Variants in TMEM108 observed in about 807,000 individuals in gnomAD.
TMEM108 encodes cancer/testis antigen 124.
TMEM108 carries 12 observed loss-of-function variants against 35.1 expected under a neutral mutation model. That is an observed-to-expected ratio of 0.34 (90% CI 0.22 to 0.55). The LOEUF (loss-of-function observed/expected upper bound fraction) is 0.55. Among genes scored for constraint, TMEM108 ranks in the 20% least tolerant of loss-of-function variants. The probability of loss-of-function intolerance (pLI) is 0.89; values close to 1 mark genes in which losing one functional copy is unlikely to be tolerated. For synonymous variants in TMEM108, 287 were observed against 308.6 expected (o/e 0.93, Z 0.73); for missense variants, 680 against 753.3 (o/e 0.90, Z 1.14).
In TMEM108 at chr3:133,390,246, G is replaced by T; in HGVS notation, c.1517G>T (p.Ser506Ile). Residue 506 changes from serine (S) to isoleucine (I), a missense_variant, in exon 5 of 6, where the codon AGC (serine) becomes ATC (isoleucine). This residue lies in a region of TMEM108 where 105 missense variants were observed against 150.7 expected (regional missense o/e 0.70). Coordinates refer to ENST00000321871, the MANE Select transcript of TMEM108 (RefSeq NM_023943.4). ...ACCGCCAACCCGGAGAACAACCTGA[G>T]CTACTGGAACAACACCATCACCATG... ...KKTANPENNL[S>I]YWNNTITMDY... The T allele has an allele frequency of 6.2e-7, 1 of 1,614,186 alleles. No individual in the cohort carries two copies. The highest frequency in any genetic ancestry group is 8.5e-7 in the Non-Finnish European group (1 of 1,180,044).
At chr3:133,364,450 T>C (rs2072446258) in intron 3 of TMEM108, among the ~76,000 whole-genome samples, 1 of 152,220 alleles carries the variant, frequency 6.6e-6, no homozygotes, top group South Asian at 2.1e-4. Context: ...CAACCATCAC[T>C]GTATATGACT....
intron 1 of TMEM108, among the ~76,000 whole-genome samples, chr3:133,044,952 G>A (rs1188514738): frequency 6.7e-6 from 1 of 149,774 alleles, no homozygotes; most frequent in Non-Finnish European, 1.5e-5. Context: ...AAAAAATTCT[G>A]AAGTGCTGCT....
chr3:133,128,162 A>G (rs536808786), intron 2 of TMEM108, among the ~76,000 whole-genome samples: 3 of 152,334 alleles, frequency 2.0e-5, no homozygotes, highest in East Asian at 1.9e-4. Context: ...TCTATCACTC[A>G]TAGGTTAAAG....
intron 2 of TMEM108, among the ~76,000 whole-genome samples, chr3:133,097,361 T>C (rs1193002566): frequency 3.3e-5 from 5 of 152,134 alleles, no homozygotes; most frequent in African/African-American, 1.2e-4. Context: ...CTTTCTAATG[T>C]TTTAATGTTC....
chr3:133,078,574 A>AT (rs1160369481), intron 2 of TMEM108, among the ~76,000 whole-genome samples: 1 of 152,180 alleles, frequency 6.6e-6, no homozygotes, highest in Non-Finnish European at 1.5e-5. Flanking sequence ...TATTAGTGAT[A>AT]TTTTGAGTTT....
intron 4 of TMEM108, among the ~76,000 whole-genome samples, chr3:133,383,607 G>GAAAT (rs1297773257): frequency 6.6e-6 from 1 of 152,140 alleles, no homozygotes; most frequent in Non-Finnish European, 1.5e-5. Flanking sequence ...GTATAAGCTT[G>GAAAT]AAATTAGATC....
intron 3 of TMEM108, among the ~76,000 whole-genome samples, chr3:133,312,341 T>G (rs866863979): frequency 6.6e-6 from 1 of 152,226 alleles, no homozygotes; most frequent in Non-Finnish European, 1.5e-5. Context: ...CCCACAGAGA[T>G]GGAGTCCTAG....
Position 133,251,657 on chromosome 3 carries a change from C to T in TMEM108, c.40+22306C>T, listed in dbSNP as rs141914242. ...AAGGGAAGAGATATTGGATAGGTAT[C>T]CTCCTCTGACTAGAAGTGATACATA... On this transcript the variant is annotated intron_variant, in intron 3 of 5. Coordinates refer to ENST00000321871, the MANE Select transcript of TMEM108 (RefSeq NM_023943.4). Among the ~76,000 whole-genome samples, 444 of 152,216 alleles carry T rather than the reference C, an allele frequency of 2.9e-3. 3 individuals carry two copies. Among genetic ancestry groups the T allele is most frequent in the African/African-American group, 0.01 (432 of 41,542 alleles).
intron 2 of TMEM108, among the ~76,000 whole-genome samples, chr3:133,200,567 C>T (rs978912471): frequency 2.6e-5 from 4 of 152,162 alleles, no homozygotes; most frequent in African/African-American, 9.7e-5. Context: ...ATCCTCCCTG[C>T]CTCAACAACT....
intron 3 of TMEM108, among the ~76,000 whole-genome samples, chr3:133,308,549 T>A (rs1367054322): frequency 6.6e-6 from 1 of 152,154 alleles, no homozygotes; most frequent in Non-Finnish European, 1.5e-5. Flanking sequence ...ATACCTAGTT[T>A]ATTGAGAGTT....
chr3:133,262,500 T>A (rs952617121), intron 3 of TMEM108, among the ~76,000 whole-genome samples: 1 of 152,220 alleles, frequency 6.6e-6, no homozygotes, highest in Non-Finnish European at 1.5e-5. Context: ...ACCATAGTGA[T>A]GTAGAAAGAT....
At chr3:133,377,869 A>G (rs1275331350) in intron 3 of TMEM108, among the ~76,000 whole-genome samples, 1 of 152,226 alleles carries the variant, frequency 6.6e-6, no homozygotes, top group Non-Finnish European at 1.5e-5. Flanking sequence ...CGGCACCATT[A>G]GATTCTCATA....
chr3:133,109,254 T>C (rs925434157), intron 2 of TMEM108, among the ~76,000 whole-genome samples: 1 of 152,078 alleles, frequency 6.6e-6, no homozygotes, highest in Non-Finnish European at 1.5e-5. Flanking sequence ...TGAGGAAGGG[T>C]TGCAATAGAT....
At chr3:133,041,583 C>T (rs1568478) in intron 1 of TMEM108, among the ~76,000 whole-genome samples, 73,692 of 151,992 alleles carry the variant, frequency 0.48, 18,127 homozygotes, top group African/African-American at 0.56. Flanking sequence ...GTAGGAATAA[C>T]GTGTGTCATG....
intron 2 of TMEM108, among the ~76,000 whole-genome samples, chr3:133,177,158 A>G (rs183385189): frequency 1.1e-4 from 17 of 152,378 alleles, no homozygotes; most frequent in African/African-American, 3.8e-4. Flanking sequence ...AGGCTCTGAA[A>G]TTGAGGCAAT....
At chr3:133,221,375 C>T (rs79185914) in intron 2 of TMEM108, among the ~76,000 whole-genome samples, 1 of 152,046 alleles carries the variant, frequency 6.6e-6, no homozygotes, top group Admixed American at 6.6e-5. Context: ...CAGGAAATAA[C>T]AAAGGTCATA....
intron 3 of TMEM108, among the ~76,000 whole-genome samples, chr3:133,298,654 A>G (rs1947177914): frequency 6.6e-6 from 1 of 152,142 alleles, no homozygotes; most frequent in Non-Finnish European, 1.5e-5. Context: ...CATAATATTT[A>G]TAAATTCGTT....
chr3:133,162,849 G>C lies in TMEM108; in HGVS notation c.-46-66417G>C, dbSNP rs138712275. On this transcript the variant is annotated intron_variant, in intron 2 of 5. Coordinates refer to ENST00000321871, the MANE Select transcript of TMEM108 (RefSeq NM_023943.4). ...TTTGTATGCAGTAAAATGATTTGCAGAGTAGCACAGCTCAGAGTTCCCAGC... is the reference window on the plus strand; with the variant it reads ...TTTGTATGCAGTAAAATGATTTGCACAGTAGCACAGCTCAGAGTTCCCAGC... 6.7e-4 allele frequency among the ~76,000 whole-genome samples: 102 copies of C among 152,326 alleles called. 2 individuals carry two copies. In the East Asian group the frequency reaches 0.019, roughly 28 times the overall value.
At chr3:133,150,586 C>T (rs1224155124) in intron 2 of TMEM108, among the ~76,000 whole-genome samples, 1 of 151,910 alleles carries the variant, frequency 6.6e-6, no homozygotes, top group African/African-American at 2.4e-5. Flanking sequence ...TGTAGTTAAA[C>T]TTTTTTTAAC....
Sources: gnomAD v4.1 joint callset for allele counts (sites outside exome capture counted in the v4.1 genomes callset) on GRCh38, gnomAD v4.1.1 for gene constraint, gnomAD v4.1.1 regional missense constraint, MANE v1.5 for transcripts, NCBI Gene and HGNC (gene_info 2026-07-23, HGNC 2026-07-21) for gene names.